The following SLC35D1 variants were observed in gnomAD, a reference collection of about 807,000 sequenced individuals.
SLC35D1 encodes the protein solute carrier family 35 member D1.
Under a neutral mutation model 46.7 loss-of-function variants are expected in SLC35D1, and 31 were observed. The observed-to-expected ratio is 0.66, with a 90% CI of 0.50 to 0.90. SLC35D1 has a LOEUF of 0.90. Ranked by LOEUF, SLC35D1 falls within the 40% of genes least tolerant of loss-of-function variation. SLC35D1 has a pLI of 0.00. For synonymous variants in SLC35D1, 195 were observed against 164.6 expected (o/e 1.18, Z -1.41); for missense variants, 397 against 426.2 (o/e 0.93, Z 0.60).
At chr1:67,021,700 GAC>G (rs1178697044) in intron 8 of SLC35D1, 98 bp from the exon 9 acceptor site, 1 of 181,180 alleles carries the variant, frequency 5.5e-6, no homozygotes, top group Non-Finnish European at 1.1e-5. Context: ...CTCCAACACA[GAC>G]ACAGACACAG....
chr1:66,975,988 T>TGTG, the SLC35D1 span, among the ~76,000 whole-genome samples: 1 of 96,970 alleles, frequency 1.0e-5, no homozygotes, highest in Non-Finnish European at 2.6e-5. Flanking sequence ...CAGGCCTTTT[T>TGTG]TTTGTGTGTG....
At chr1:66,982,286 A>G in the SLC35D1 span, among the ~76,000 whole-genome samples, 2 of 152,346 alleles carry the variant, frequency 1.3e-5, no homozygotes, top group African/African-American at 2.4e-5. Context: ...GATCATTGCA[A>G]AATACCTTGA....
chr1:67,030,781 C>A (rs909825355), intron 8 of SLC35D1, among the ~76,000 whole-genome samples: 8 of 152,118 alleles, frequency 5.3e-5, no homozygotes, highest in Non-Finnish European at 1.2e-4. Flanking sequence ...AGGCACAATG[C>A]TAAAGATGGT....
the SLC35D1 span, among the ~76,000 whole-genome samples, chr1:66,994,341 C>T: frequency 4.5e-4 from 68 of 152,106 alleles, no homozygotes; most frequent in Non-Finnish European, 9.0e-4. Flanking sequence ...CTGATGAAAA[C>T]AATAAGATAT....
At chr1:67,006,518 C>A (rs1032743960) in intron 11 of SLC35D1, among the ~76,000 whole-genome samples, 8 of 152,132 alleles carry the variant, frequency 5.3e-5, no homozygotes, top group Non-Finnish European at 1.2e-4. Flanking sequence ...AAAATGCTTT[C>A]TTATTTTTCC....
the SLC35D1 span, among the ~76,000 whole-genome samples, chr1:66,983,422 G>A: frequency 8.5e-5 from 13 of 152,074 alleles, no homozygotes; most frequent in African/African-American, 2.9e-4. Context: ...CATCCTTTAT[G>A]CCGAATATTT....
At position 67,047,349 on chromosome 1, in the gene SLC35D1, A is replaced by T; in HGVS notation, c.552T>A (p.Asp184Glu). ...FVAASSDLAFDLEGYAFILIN... is the reference protein window; with the variant it reads ...FVAASSDLAFELEGYAFILIN... ...TCAGAATAAAAGCATATCCTTCCAG[A>T]TCAAATGCCAAGTCAGAGCTGCAAA... Residue 184 changes from aspartate (D) to glutamate (E), a missense_variant, in exon 7 of 12, where the codon GAT (aspartate) becomes GAA (glutamate). Physicochemically the swap from Asp to Glu is conservative, Grantham distance 45 (BLOSUM62 2). Transcript: ENST00000235345. 6.2e-7 allele frequency: 1 copy of T among 1,613,232 alleles called. No individual in the cohort carries two copies. Among genetic ancestry groups the T allele is most frequent in the Non-Finnish European group, 8.5e-7 (1 of 1,179,864 alleles).
intron 9 of SLC35D1, 46 bp from the exon 10 acceptor site, chr1:67,020,493 TA>T: frequency 7.6e-7 from 1 of 1,319,492 alleles, no homozygotes; most frequent in Non-Finnish European, 1.1e-6. Context: ...CACTTTATAC[TA>T]ATCTCTAGCC....
intron 7 of SLC35D1, among the ~76,000 whole-genome samples, chr1:67,044,456 G>A (rs1257062618): frequency 6.6e-6 from 1 of 152,102 alleles, no homozygotes; most frequent in Non-Finnish European, 1.5e-5. Context: ...CATTAAAAAG[G>A]TGTTCAAGAA....
At chr1:67,043,799 A>G (rs1028078573) in intron 7 of SLC35D1, among the ~76,000 whole-genome samples, 2 of 152,206 alleles carry the variant, frequency 1.3e-5, no homozygotes, top group African/African-American at 4.8e-5. Flanking sequence ...CAGGGAGCCT[A>G]TAAGAACTCT....
At chr1:67,022,764 T>C (rs180925968) in intron 8 of SLC35D1, among the ~76,000 whole-genome samples, 41 of 152,318 alleles carry the variant, frequency 2.7e-4, no homozygotes, top group Non-Finnish European at 5.4e-4. Context: ...AAATGTATAA[T>C]CATGTAACCA....
intron 8 of SLC35D1, among the ~76,000 whole-genome samples, chr1:67,039,523 G>GTGTGTGTA (rs1466690847): frequency 1.4e-4 from 21 of 151,140 alleles, no homozygotes; most frequent in African/African-American, 4.1e-4. Context: ...GTGTGTGTGC[G>GTGTGTGTA]CGCGTGGGGG....
chr1:66,993,041 G>T, the SLC35D1 span, among the ~76,000 whole-genome samples: 3 of 152,180 alleles, frequency 2.0e-5, no homozygotes, highest in Non-Finnish European at 4.4e-5. Context: ...TCTAAGTCAG[G>T]TCTTTGTGTT....
Position 67,042,397 on chromosome 1 carries a change from CCACT to C in SLC35D1, c.637-73_637-70del, listed in dbSNP as rs10543599. 465,047 of 1,220,822 alleles carry C rather than the reference CCACT, an allele frequency of 0.38. 95,886 individuals carry two copies. The highest frequency in any genetic ancestry group is 0.55 in the South Asian group (45,688 of 83,118). 75.6% of individuals were successfully genotyped at this position (1,220,822 alleles called of 1,614,324 possible). On this transcript the variant is annotated intron_variant, in intron 7 of 11. Transcript: ENST00000235345. Reference sequence around the variant, plus strand: ...AGCAGATACAACACTGTACAAAATACCACTCAAACTACACATAAATACACAAACA... The same window carrying C: ...AGCAGATACAACACTGTACAAAATACCAAACTACACATAAATACACAAACA...
At chr1:67,021,687 TGCCTCCAACACA>T in intron 8 of SLC35D1, 85 bp from the exon 9 acceptor site, 3 of 1,006,742 alleles carry the variant, frequency 3.0e-6, no homozygotes, top group Non-Finnish European at 4.5e-6. Context: ...TCTACGAGTC[TGCCTCCAACACA>T]GACACAGACA....
At chr1:67,023,997 T>C (rs1486907999) in intron 8 of SLC35D1, among the ~76,000 whole-genome samples, 1 of 151,278 alleles carries the variant, frequency 6.6e-6, no homozygotes, top group Non-Finnish European at 1.5e-5. Flanking sequence ...CAGGCTGGAG[T>C]GCAGTGGCAC....
At chr1:66,973,026 A>C in the SLC35D1 span, 1 of 1,170,400 alleles carries the variant, frequency 8.5e-7, no homozygotes, top group Non-Finnish European at 1.3e-6. Flanking sequence ...GCAAAAAGAA[A>C]TTTAGTTGAA....
At chr1:67,013,376 G>C (rs1354479053) in intron 10 of SLC35D1, among the ~76,000 whole-genome samples, 1 of 150,894 alleles carries the variant, frequency 6.6e-6, no homozygotes, top group Non-Finnish European at 1.5e-5. Context: ...GCAAAACCCT[G>C]TTTCTATAAA....
chr1:66,983,685 T>G, the SLC35D1 span, among the ~76,000 whole-genome samples: 1 of 152,226 alleles, frequency 6.6e-6, no homozygotes, highest in East Asian at 1.9e-4. Context: ...TTTTTAACAT[T>G]ATGACAGATT....
Sources: gnomAD v4.1 joint callset for allele counts (sites outside exome capture counted in the v4.1 genomes callset) on GRCh38, gnomAD v4.1.1 for gene constraint, MANE v1.5 for transcripts, NCBI Gene and HGNC (gene_info 2026-07-23, HGNC 2026-07-21) for gene names.